The following SHISA9 variants were observed in gnomAD, a reference collection of about 807,000 sequenced individuals.
The protein encoded by SHISA9 is protein shisa-9.
In SHISA9, 13 loss-of-function variants were observed where a neutral mutation model predicts 38.0. The observed-to-expected ratio is 0.34, with a 90% CI of 0.22 to 0.54. The LOEUF (loss-of-function observed/expected upper bound fraction) is 0.54, where lower values mean the gene tolerates loss of function less well. SHISA9 is among the 20% of genes least tolerant of loss of function. The pLI, the probability that SHISA9 is intolerant of heterozygous loss-of-function variation, is 0.91. For synonymous variants in SHISA9, 275 were observed against 242.0 expected, an observed-to-expected ratio of 1.14 and a Z score of -1.27; for missense variants, 538 against 575.8, an observed-to-expected ratio of 0.93 and a Z score of 0.67.
chr16:13,522,822 A>C, the SHISA9 span, among the ~76,000 whole-genome samples: 1 of 152,188 alleles, frequency 6.6e-6, no homozygotes, highest in African/African-American at 2.4e-5. Context: ...CCTCATCCCC[A>C]TTGGTAATAG....
chr16:13,127,443 A>G (rs561146172), intron 2 of SHISA9, among the ~76,000 whole-genome samples: 31 of 149,840 alleles, frequency 2.1e-4, no homozygotes, highest in African/African-American at 7.1e-4. Context: ...ATAGGGAGAG[A>G]GAGATCGAGG....
chr16:12,902,515 A>G lies in SHISA9; in HGVS notation c.451A>G (p.Asn151Asp). 6.4e-7 allele frequency: 1 copy of G among 1,551,514 alleles called. No homozygotes were observed. Among genetic ancestry groups the G allele is most frequent in the South Asian group, 1.2e-5 (1 of 84,058 alleles). Residue 151 changes from asparagine to aspartate, a missense_variant, in exon 1 of 5, where the codon AAC becomes GAC. Transcript: ENST00000558583. Reference protein sequence around the residue: ...PLHDPTKDKTNLIVYIICGVV... With the variant: ...PLHDPTKDKTDLIVYIICGVV... ...GCACGACCCCACCAAGGACAAGACC[A>G]ACCTGATCGTCTACATCATCTGCGG...
intron 2 of SHISA9, among the ~76,000 whole-genome samples, chr16:12,942,725 G>A (rs569542589): frequency 6.6e-6 from 1 of 152,314 alleles, no homozygotes; most frequent in Admixed American, 6.5e-5. Flanking sequence ...GAAGCGCACA[G>A]CCACATTTGA....
the SHISA9 span, among the ~76,000 whole-genome samples, chr16:13,421,096 C>T: frequency 1.3e-5 from 2 of 152,182 alleles, no homozygotes; most frequent in South Asian, 4.1e-4. Flanking sequence ...TTGGCCCTTT[C>T]CCTTCAATAA....
chr16:13,212,707 G>T (rs950477671), intron 3 of SHISA9, among the ~76,000 whole-genome samples: 1 of 152,138 alleles, frequency 6.6e-6, no homozygotes, highest in Non-Finnish European at 1.5e-5. Flanking sequence ...TGTGTGTTAG[G>T]TACTGTGGTA....
chr16:12,933,175 A>T (rs1298278286), intron 2 of SHISA9, among the ~76,000 whole-genome samples: 1 of 152,140 alleles, frequency 6.6e-6, no homozygotes, highest in Admixed American at 6.5e-5. Flanking sequence ...CATATAATAA[A>T]CTTTTATTCT....
chr16:13,507,466 G>T, the SHISA9 span, among the ~76,000 whole-genome samples: 1 of 152,106 alleles, frequency 6.6e-6, no homozygotes, highest in African/African-American at 2.4e-5. Flanking sequence ...CATTAGCGTA[G>T]ACAAGAATGA....
At chr16:13,484,346 C>A in the SHISA9 span, among the ~76,000 whole-genome samples, 1 of 152,046 alleles carries the variant, frequency 6.6e-6, no homozygotes, top group Admixed American at 6.6e-5. Context: ...TTCACCTCTC[C>A]GAGCCTCGGT....
chr16:13,043,571 C>T (rs1270980142), intron 2 of SHISA9, among the ~76,000 whole-genome samples: 1 of 152,132 alleles, frequency 6.6e-6, no homozygotes, highest in Non-Finnish European at 1.5e-5. Flanking sequence ...TTGCACTAAC[C>T]TAATATGAAG....
chr16:13,071,766 T>C (rs940050285), intron 2 of SHISA9, among the ~76,000 whole-genome samples: 2 of 151,978 alleles, frequency 1.3e-5, no homozygotes, highest in Admixed American at 1.3e-4. Context: ...GCCTCCCTAG[T>C]AGCTGGGACT....
chr16:13,494,062 T>C, the SHISA9 span, among the ~76,000 whole-genome samples: 1 of 152,076 alleles, frequency 6.6e-6, no homozygotes, highest in South Asian at 2.1e-4. Context: ...AGATGCAAGA[T>C]GTGAGAACTG....
the SHISA9 span, among the ~76,000 whole-genome samples, chr16:13,290,710 C>A: frequency 6.6e-6 from 1 of 152,064 alleles, no homozygotes; most frequent in East Asian, 1.9e-4. Context: ...TGGTAAAATC[C>A]TTGGGCTCCT....
intron 2 of SHISA9, among the ~76,000 whole-genome samples, chr16:13,164,088 C>G (rs927385150): frequency 6.6e-6 from 1 of 152,004 alleles, no homozygotes; most frequent in African/African-American, 2.4e-5. Context: ...TGTTGGATCT[C>G]CCACTATTAA....
intron 4 of SHISA9, among the ~76,000 whole-genome samples, chr16:13,214,054 G>A (rs1028941872): frequency 6.6e-6 from 1 of 152,024 alleles, no homozygotes. Context: ...ACCTCTATCA[G>A]TCTGACCCTT....
At chr16:13,426,396 C>T in the SHISA9 span, among the ~76,000 whole-genome samples, 3 of 152,176 alleles carry the variant, frequency 2.0e-5, no homozygotes, top group Non-Finnish European at 4.4e-5. Flanking sequence ...ATCTCTCTCA[C>T]TCCAAAAGGA....
chr16:13,023,193 TGG>T (rs1567185549), intron 2 of SHISA9, among the ~76,000 whole-genome samples: 60 of 151,660 alleles, frequency 4.0e-4, no homozygotes, highest in African/African-American at 1.3e-3. Context: ...CAACAGGCCC[TGG>T]TGTGTGATGT....
intron 2 of SHISA9, among the ~76,000 whole-genome samples, chr16:13,086,632 G>A (rs1365094488): frequency 6.6e-6 from 1 of 151,938 alleles, no homozygotes; most frequent in Non-Finnish European, 1.5e-5. Flanking sequence ...ATGGAGACAG[G>A]GAAATGGATT....
chr16:13,055,518 G>C (rs1192223612), intron 2 of SHISA9, among the ~76,000 whole-genome samples: 3 of 152,086 alleles, frequency 2.0e-5, no homozygotes, highest in African/African-American at 4.8e-5. Flanking sequence ...CAGTCTTCTT[G>C]GTGATCATGA....
chr16:13,306,609 G>T, the SHISA9 span, among the ~76,000 whole-genome samples: 1 of 152,170 alleles, frequency 6.6e-6, no homozygotes, highest in Non-Finnish European at 1.5e-5. Context: ...GACTGGGGCT[G>T]GAGGATCCAC....
Sources: gnomAD v4.1 joint callset for allele counts (sites outside exome capture counted in the v4.1 genomes callset) on GRCh38, gnomAD v4.1.1 for gene constraint, MANE v1.5 for transcripts, NCBI Gene and HGNC (gene_info 2026-07-23, HGNC 2026-07-21) for gene names.